DMXL2: variants seen among roughly 807,000 people sequenced by gnomAD.
DMXL2 encodes the protein dmX-like protein 2.
A neutral mutation model predicts 331.1 loss-of-function variants in DMXL2; 103 were observed. The ratio of observed to expected loss-of-function variants is 0.31; its 90% CI spans 0.27 to 0.37. The LOEUF (loss-of-function observed/expected upper bound fraction) is 0.37. Ranked by LOEUF, DMXL2 falls within the 10% of genes least tolerant of loss-of-function variation. The pLI is 1.00. For synonymous variants in DMXL2, 1,281 were observed against 1,252.1 expected (o/e 1.02, Z -0.49); for missense variants, 3,171 against 3,642.9 (o/e 0.87, Z 3.33).
intron 32 of DMXL2, 30 bp downstream of exon 32, chr15:51,464,645 T>C (rs2040418670): frequency 6.3e-7 from 1 of 1,596,030 alleles, no homozygotes; most frequent in Non-Finnish European, 8.6e-7. Context: ...TAAGCTACGC[T>C]CTTTATCAGC....
chr15:51,606,570 G>A (rs1366318925), intron 1 of DMXL2, among the ~76,000 whole-genome samples: 1 of 152,156 alleles, frequency 6.6e-6, no homozygotes, highest in Non-Finnish European at 1.5e-5. Context: ...TTGAATTAAT[G>A]TCTTCCCTAA....
At chr15:51,555,911 T>C (rs1162711164) in intron 6 of DMXL2, among the ~76,000 whole-genome samples, 1 of 152,182 alleles carries the variant, frequency 6.6e-6, no homozygotes, top group Non-Finnish European at 1.5e-5. Context: ...CAATCTTACA[T>C]AAACTCTTCA....
At chr15:51,520,381 G>C (rs1056717574) in intron 13 of DMXL2, among the ~76,000 whole-genome samples, 1 of 152,152 alleles carries the variant, frequency 6.6e-6, no homozygotes, top group Non-Finnish European at 1.5e-5. Context: ...TTAACCCAGA[G>C]AATCATTTTT....
intron 28 of DMXL2, among the ~76,000 whole-genome samples, chr15:51,472,719 A>C (rs2041233991): frequency 6.6e-6 from 1 of 152,194 alleles, no homozygotes; most frequent in South Asian, 2.1e-4. Context: ...TTTATAGCTG[A>C]GTAACACTCC....
intron 13 of DMXL2, among the ~76,000 whole-genome samples, chr15:51,519,633 C>CGTTTTTTTTTTTTTTTTTTTT (rs1567060228): frequency 8.5e-6 from 1 of 118,318 alleles, no homozygotes; most frequent in African/African-American, 3.3e-5. Flanking sequence ...GACAAAGTCT[C>CGTTTTTTTTTTTTTTTTTTTT]TTGTTTTTTT....
chr15:51,514,634 C>G, intron 14 of DMXL2, 75 bp from the exon 15 acceptor site: 1 of 840,630 alleles, frequency 1.2e-6, no homozygotes, highest in Non-Finnish European at 1.9e-6. Context: ...TGTCACCTCC[C>G]CAATGCTAAT....
chr15:51,539,265 C>T (rs1567089028), intron 9 of DMXL2, among the ~76,000 whole-genome samples: 1 of 151,054 alleles, frequency 6.6e-6, no homozygotes, highest in Non-Finnish European at 1.5e-5. Flanking sequence ...CATACACATA[C>T]ACACAGAGAC....
At chr15:51,533,051 C>A (rs893154184) in intron 13 of DMXL2, among the ~76,000 whole-genome samples, 1 of 152,100 alleles carries the variant, frequency 6.6e-6, no homozygotes, top group Non-Finnish European at 1.5e-5. Flanking sequence ...TACATGGACA[C>A]CAACATTAAA....
At chr15:51,536,037 T>TA in intron 12 of DMXL2, 129 bp downstream of exon 12, 1 of 981,882 alleles carries the variant, frequency 1.0e-6, no homozygotes, top group Non-Finnish European at 1.4e-6. Flanking sequence ...GAATATTTAT[T>TA]AAAAATCACC....
intron 14 of DMXL2, among the ~76,000 whole-genome samples, chr15:51,515,055 G>A (rs1342722652): frequency 6.6e-6 from 1 of 152,082 alleles, no homozygotes; most frequent in Non-Finnish European, 1.5e-5. Context: ...CAATAGCTCT[G>A]TCTAGTGGGA....
intron 9 of DMXL2, among the ~76,000 whole-genome samples, chr15:51,539,481 A>G (rs531724727): frequency 1.3e-4 from 20 of 152,312 alleles, no homozygotes; most frequent in African/African-American, 4.8e-4. Context: ...ATTTGAGGTA[A>G]CTGAAATTTA....
chr15:51,455,356 T>G, intron 39 of DMXL2, 128 bp from the exon 40 acceptor site: 1 of 811,564 alleles, frequency 1.2e-6, no homozygotes, highest in Non-Finnish European at 2.0e-6. Context: ...TCTGTTGCTG[T>G]CATTCCCAAA....
intron 29 of DMXL2, 112 bp from the exon 30 acceptor site, chr15:51,466,423 T>A: frequency 2.6e-6 from 1 of 380,416 alleles, no homozygotes; most frequent in Non-Finnish European, 3.9e-6. Flanking sequence ...TTTTAGTATA[T>A]AATTATTTTT....
chr15:51,483,069 G>A (rs191479745), intron 23 of DMXL2, among the ~76,000 whole-genome samples: 1 of 152,152 alleles, frequency 6.6e-6, no homozygotes, highest in African/African-American at 2.4e-5. Context: ...AAGGTAAACA[G>A]AAGATCCCCA....
intron 39 of DMXL2, among the ~76,000 whole-genome samples, 197 bp from the exon 40 acceptor site, chr15:51,455,425 G>T (rs138310674): frequency 7.2e-5 from 11 of 152,100 alleles, no homozygotes; most frequent in African/African-American, 2.2e-4. Context: ...TAGAGACAGG[G>T]TCTCATTCTG....
intron 1 of DMXL2, among the ~76,000 whole-genome samples, chr15:51,594,718 G>A (rs988951487): frequency 2.0e-4 from 30 of 152,152 alleles, no homozygotes; most frequent in Non-Finnish European, 3.4e-4. Context: ...TATCCACCAT[G>A]ATCAAGTGGG....
chr15:51,477,854 T>C (rs1038345219), intron 26 of DMXL2, among the ~76,000 whole-genome samples: 2 of 152,104 alleles, frequency 1.3e-5, no homozygotes, highest in African/African-American at 4.8e-5. Flanking sequence ...GTAATTTAAA[T>C]AATTCCATTT....
At chr15:51,546,140 T>G (rs1368909587) in intron 7 of DMXL2, among the ~76,000 whole-genome samples, 1 of 152,144 alleles carries the variant, frequency 6.6e-6, no homozygotes, top group East Asian at 1.9e-4. Flanking sequence ...GTTTCATCAC[T>G]TTACATCCTC....
At chr15:51,544,480 ATTATAAATCACCC>A (rs758194510) in intron 8 of DMXL2, among the ~76,000 whole-genome samples, 9 of 152,124 alleles carry the variant, frequency 5.9e-5, no homozygotes, top group Non-Finnish European at 1.2e-4. Context: ...ACCTCTTTTC[ATTATAAATCACCC>A]AGTTTCAGAC....
Sources: gnomAD v4.1 joint callset for allele counts (sites outside exome capture counted in the v4.1 genomes callset) on GRCh38, gnomAD v4.1.1 for gene constraint, MANE v1.5 for transcripts, NCBI Gene and HGNC (gene_info 2026-07-23, HGNC 2026-07-21) for gene names.